Variants in USP3 observed in about 807,000 individuals in gnomAD.
The protein encoded by USP3 is ubiquitin specific peptidase 3, also known as ubiquitin carboxyl-terminal hydrolase 3.
In USP3, 20 loss-of-function variants were observed where a neutral mutation model predicts 72.3. The ratio of observed to expected loss-of-function variants is 0.28; its 90% CI spans 0.19 to 0.40. The LOEUF (loss-of-function observed/expected upper bound fraction) is 0.40, where lower values mean the gene tolerates loss of function less well. Among genes scored for constraint, USP3 ranks in the 10% least tolerant of loss-of-function variants. The probability of loss-of-function intolerance (pLI) is 1.00; values close to 1 mark genes in which losing one functional copy is unlikely to be tolerated. For missense variants in USP3, 479 were observed against 633.9 expected, an observed-to-expected ratio of 0.76 and a Z score of 2.62; for synonymous variants, 222 against 225.3, an observed-to-expected ratio of 0.99 and a Z score of 0.13.
At chr15:63,523,796 G>T (rs2065947240) in intron 1 of USP3, among the ~76,000 whole-genome samples, 1 of 152,182 alleles carries the variant, frequency 6.6e-6, no homozygotes, top group Admixed American at 6.5e-5. Flanking sequence ...AATAGAAGCA[G>T]AATGAGTAAT....
chr15:63,556,621 A>G (rs377335164), intron 4 of USP3, 46 bp from the exon 5 acceptor site: 70 of 1,461,822 alleles, frequency 4.8e-5, no homozygotes, highest in Non-Finnish European at 6.3e-5. Flanking sequence ...GTGGTGTAGC[A>G]TGCATATATT....
At chr15:63,560,025 C>G in intron 7 of USP3, 55 bp downstream of exon 7, 1 of 1,484,646 alleles carries the variant, frequency 6.7e-7, no homozygotes, top group African/African-American at 1.4e-5. Flanking sequence ...AAATTACTTT[C>G]ACTGGTGGTT....
At chr15:63,525,006 C>A (rs1257788374) in intron 1 of USP3, among the ~76,000 whole-genome samples, 1 of 152,118 alleles carries the variant, frequency 6.6e-6, no homozygotes, top group South Asian at 2.1e-4. Context: ...AGGGTTGTTA[C>A]AAGAAATGCT....
Position 63,574,420 on chromosome 15 carries a change from G to GA in USP3, c.1096+17_1096+18insA. 1 of 1,581,044 alleles carries GA rather than the reference G, an allele frequency of 6.3e-7. No homozygotes were observed. Among genetic ancestry groups the GA allele is most frequent in the Non-Finnish European group, 8.6e-7 (1 of 1,168,232 alleles). Reference sequence around the variant, plus strand: ...CGTTACGAGGTAAAGATACTTGAATGTTCTAAAAATTTTTTTCTTTAAATA... The same window carrying GA: ...CGTTACGAGGTAAAGATACTTGAATGATTCTAAAAATTTTTTTCTTTAAATA... On this transcript the variant is annotated intron_variant, in intron 11 of 14. Transcript: ENST00000380324. The surrounding 1 kb of genome is among the most constrained non-coding windows in gnomAD (Gnocchi z 4.6).
At chr15:63,547,812 GGCAT>G (rs1303057683) in intron 3 of USP3, among the ~76,000 whole-genome samples, 12 of 60,478 alleles carry the variant, frequency 2.0e-4, no homozygotes, top group East Asian at 7.7e-4. Flanking sequence ...CATAGAGAGA[GGCAT>G]AGAGAGAGAG....
At chr15:63,541,937 A>T (rs905906568) in intron 3 of USP3, 4 of 367,468 alleles carry the variant, frequency 1.1e-5, no homozygotes, top group African/African-American at 2.2e-5. Flanking sequence ...TTTTGGTATT[A>T]GTGTTATGCA....
intron 3 of USP3, among the ~76,000 whole-genome samples, chr15:63,550,065 A>G (rs1299695930): frequency 6.6e-6 from 1 of 152,184 alleles, no homozygotes; most frequent in East Asian, 1.9e-4. Context: ...GCTGGAGTGC[A>G]CTGGAGTGCA....
intron 3 of USP3, among the ~76,000 whole-genome samples, chr15:63,547,645 G>A (rs1416042129): frequency 2.6e-5 from 4 of 151,660 alleles, no homozygotes; most frequent in African/African-American, 4.8e-5. Flanking sequence ...CAGGAGGATC[G>A]CTTGAGTCCA....
At chr15:63,555,450 C>G (rs190741968) in intron 4 of USP3, among the ~76,000 whole-genome samples, 119 of 151,816 alleles carry the variant, frequency 7.8e-4, no homozygotes, top group African/African-American at 2.7e-3. Context: ...AACTGAGACA[C>G]TGAATTTTAA....
chr15:63,534,937 T>TTAC (rs1567100652), intron 2 of USP3, among the ~76,000 whole-genome samples: 1 of 151,756 alleles, frequency 6.6e-6, no homozygotes, highest in Non-Finnish European at 1.5e-5. Flanking sequence ...TATTTATTTA[T>TTAC]TTATTTACTT....
At chr15:63,551,765 T>C (rs1261342236) in intron 3 of USP3, 1 of 152,228 alleles carries the variant, frequency 6.6e-6, no homozygotes. Context: ...GTTTTAAAAA[T>C]AAAAATTGTA....
chr15:63,589,725 C>T (rs1268742254), intron 14 of USP3, among the ~76,000 whole-genome samples: 1 of 152,088 alleles, frequency 6.6e-6, no homozygotes, highest in African/African-American at 2.4e-5. Context: ...TCTCTGTACC[C>T]CTATTATATG....
rs757848537 is a variant in USP3, at chr15:63,574,050, G to A, written c.913G>A (p.Gly305Arg). The A allele has an allele frequency of 6.4e-7, 1 of 1,568,996 alleles. No homozygotes were observed. The highest frequency in any genetic ancestry group is 1.8e-5 in the Admixed American group (1 of 56,178). ...CTGTGTGGTGATTTTGTTTAGAAAT[G>A]GAGCATCTACTGTTGTCACGGCTAT... ...LSASNKCCIN[G>R]ASTVVTAIFG... The change falls in exon 10 of 15, where the codon GGA becomes AGA. Residue 305 changes from glycine (G) to arginine (R), a missense_variant. By Grantham distance (125) the Gly-to-Arg change is moderately radical. Coordinates refer to ENST00000380324, the MANE Select transcript of USP3 (RefSeq NM_006537.4). This position sits in a 1 kb window ranked among gnomAD's most constrained non-coding sequence, Gnocchi z 4.6.
In USP3 at chr15:63,560,388, C is replaced by T. The variant is rs189817747; in HGVS notation, c.647+418C>T. ...CCGAGATCGCGCCACTGCCCTCCAG[C>T]CTAGGTGACAGGGCGAGACTCCATC... is the stretch of plus-strand genomic sequence containing the variant. On this transcript the variant is annotated intron_variant, in intron 7 of 14. Coordinates refer to ENST00000380324, the MANE Select transcript of USP3 (RefSeq NM_006537.4). 3.9e-3 allele frequency among the ~76,000 whole-genome samples: 576 copies of T among 149,574 alleles called. 8 individuals are homozygous for T. Among genetic ancestry groups the T allele is most frequent in the African/African-American group, 0.014 (566 of 40,902 alleles).
At chr15:63,557,196 A>G (rs1456305022) in intron 5 of USP3, among the ~76,000 whole-genome samples, 3 of 152,066 alleles carry the variant, frequency 2.0e-5, no homozygotes, top group Non-Finnish European at 4.4e-5. Flanking sequence ...ACAGCCTCCC[A>G]AGGGGGTGGG....
chr15:63,527,083 T>A (rs1353569801), intron 1 of USP3, among the ~76,000 whole-genome samples: 2 of 152,104 alleles, frequency 1.3e-5, no homozygotes, highest in Non-Finnish European at 2.9e-5. Flanking sequence ...TTTTAGTAGA[T>A]ATGGGGTTTC....
intron 1 of USP3, among the ~76,000 whole-genome samples, chr15:63,511,232 C>CT (rs1333938476): frequency 9.3e-6 from 1 of 107,648 alleles, no homozygotes; most frequent in Non-Finnish European, 1.8e-5. Context: ...AGCTTAAACT[C>CT]TAACACTGTT....
intron 2 of USP3, among the ~76,000 whole-genome samples, 158 bp from the exon 3 acceptor site, chr15:63,536,867 A>G (rs1276539137): frequency 6.6e-6 from 1 of 151,948 alleles, no homozygotes; most frequent in East Asian, 1.9e-4. Context: ...AAAAAAAAAG[A>G]GCATATTTTA....
At chr15:63,576,799 G>A (rs549173427) in intron 11 of USP3, among the ~76,000 whole-genome samples, 7 of 152,294 alleles carry the variant, frequency 4.6e-5, no homozygotes, top group Non-Finnish European at 8.8e-5. Flanking sequence ...TTAAAAAGTC[G>A]ATGACAGGGT....
Sources: allele counts gnomAD v4.1 joint callset (sites outside exome capture counted in the v4.1 genomes callset), GRCh38; gene constraint gnomAD v4.1.1; non-coding constraint Gnocchi (gnomAD v3.1); transcripts MANE v1.5; gene names NCBI Gene and HGNC (gene_info 2026-07-23, HGNC 2026-07-21).